Variants in TRPC4AP observed in about 807,000 individuals in gnomAD.
TRPC4AP encodes the protein transient receptor potential cation channel subfamily C member 4 associated protein.
In TRPC4AP, 45 loss-of-function variants were observed where a neutral mutation model predicts 99.0. The ratio of observed to expected loss-of-function variants is 0.45; its 90% CI spans 0.36 to 0.58. The LOEUF (loss-of-function observed/expected upper bound fraction) is 0.58, where lower values mean the gene tolerates loss of function less well. Among genes scored for constraint, TRPC4AP ranks in the 20% least tolerant of loss-of-function variants. TRPC4AP has a pLI of 0.00. For missense variants in TRPC4AP, 879 were observed against 985.3 expected (o/e 0.89, Z 1.44); for synonymous variants, 408 against 385.8 (o/e 1.06, Z -0.67).
At chr20:35,021,481 G>A in intron 8 of TRPC4AP, 125 bp from the exon 9 acceptor site, 2 of 1,099,782 alleles carry the variant, frequency 1.8e-6, no homozygotes, top group Non-Finnish European at 2.5e-6. Flanking sequence ...CCAAAACACA[G>A]ACTCTGAAAG....
chr20:35,003,319 G>A (rs574117291), intron 18 of TRPC4AP, 36 bp from the exon 19 acceptor site: 10 of 1,613,738 alleles, frequency 6.2e-6, no homozygotes, highest in African/African-American at 1.3e-5. Context: ...GGCGCCTGGA[G>A]GACCCAGGTC....
rs1438718612 is a variant in TRPC4AP at position 35,021,176 on chromosome 20, G to A, written c.1218+14C>T. 47 of 1,607,218 alleles carry A rather than the reference G, an allele frequency of 2.9e-5. No homozygotes were observed. The highest frequency in any genetic ancestry group is 5.0e-5 in the Admixed American group (3 of 59,928). On this transcript the variant is annotated intron_variant, in intron 9 of 18. Transcript: ENST00000252015. Reference sequence around the variant, plus strand: ...CCTGCTCCCCGTGTCCTGAGACGCTGGAGAGGGGCCCACCTGGTTTCGCTG... The same window carrying A: ...CCTGCTCCCCGTGTCCTGAGACGCTAGAGAGGGGCCCACCTGGTTTCGCTG...
chr20:35,057,295 C>G (rs562877318), intron 4 of TRPC4AP, among the ~76,000 whole-genome samples: 1 of 152,132 alleles, frequency 6.6e-6, no homozygotes, highest in Non-Finnish European at 1.5e-5. Context: ...ATCAAAAGTA[C>G]AAAGATGCAT....
At position 35,092,554 on chromosome 20, in the gene TRPC4AP, GC is replaced by G; in HGVS notation, c.168+59del. The G allele has an allele frequency of 2.1e-6, 3 of 1,402,326 alleles. No homozygotes were observed. The South Asian group carries it at 4.5e-5, about 21-fold the overall frequency. 86.9% of individuals were successfully genotyped at this position (1,402,326 alleles called of 1,614,324 possible). On this transcript the variant is annotated intron_variant, in intron 1 of 18. Transcript: ENST00000252015. ...GCGGCCTGGAAAGGCCTCTTCCCCG[GC>G]CCCCCGCCAGCTCCCGCCTGGTCCG...
intron 1 of TRPC4AP, among the ~76,000 whole-genome samples, chr20:35,081,131 A>T (rs950011281): frequency 6.6e-6 from 1 of 152,202 alleles, no homozygotes; most frequent in African/African-American, 2.4e-5. Context: ...ATAGGACATT[A>T]AAAAAGCATA....
intron 11 of TRPC4AP, among the ~76,000 whole-genome samples, chr20:35,012,531 A>T (rs2082661198): frequency 6.6e-6 from 1 of 152,198 alleles, no homozygotes; most frequent in Non-Finnish European, 1.5e-5. Context: ...TTTTCCTTGT[A>T]CATTCTCCAT....
In TRPC4AP at chr20:35,002,844, G is replaced by T; in HGVS notation, c.*302C>A. On this transcript the variant is annotated 3_prime_UTR_variant, in exon 19 of 19. Coordinates refer to ENST00000252015, the MANE Select transcript of TRPC4AP (RefSeq NM_015638.3). ...ACTGACAGCCAAGAAACCGGCAGGA[G>T]CTCACACAGAGCTAATGCTAAATGT... 1 of 292,858 alleles carries T rather than the reference G, an allele frequency of 3.4e-6. No individual in the cohort carries two copies. The allele number at this position is 292,858 out of a possible 1,614,324, so 18.1% of individuals were successfully genotyped here.
intron 9 of TRPC4AP, among the ~76,000 whole-genome samples, chr20:35,016,631 G>GA (rs1370455916): frequency 4.7e-5 from 7 of 150,060 alleles, no homozygotes; most frequent in Non-Finnish European, 1.0e-4. Context: ...TCTCTGCAAA[G>GA]AAAAAAAAAT....
chr20:35,011,661 T>C (rs1162772281), intron 11 of TRPC4AP, among the ~76,000 whole-genome samples: 1 of 151,518 alleles, frequency 6.6e-6, no homozygotes, highest in African/African-American at 2.4e-5. Context: ...ACCCACAACG[T>C]CCTGTGCAGC....
chr20:35,062,711 A>G (rs918448006), intron 3 of TRPC4AP, among the ~76,000 whole-genome samples: 1 of 152,178 alleles, frequency 6.6e-6, no homozygotes, highest in Non-Finnish European at 1.5e-5. Context: ...GGGAGTGGCT[A>G]CTGAAGAATA....
At chr20:35,063,720 G>T (rs912805266) in intron 3 of TRPC4AP, among the ~76,000 whole-genome samples, 4 of 152,032 alleles carry the variant, frequency 2.6e-5, no homozygotes, top group Admixed American at 2.0e-4. Flanking sequence ...AATTAGCCAC[G>T]TGTGATGGCA....
chr20:35,092,564 AGCTC>A, intron 1 of TRPC4AP, 46 bp downstream of exon 1: 2 of 653,836 alleles, frequency 3.1e-6, no homozygotes, highest in Non-Finnish European at 4.3e-6. Flanking sequence ...GCCCCCCGCC[AGCTC>A]CCGCCTGGTC....
At chr20:35,080,214 GCA>G (rs1378142581) in intron 1 of TRPC4AP, among the ~76,000 whole-genome samples, 7 of 151,710 alleles carry the variant, frequency 4.6e-5, no homozygotes, top group Non-Finnish European at 8.8e-5. Flanking sequence ...GTCTAACTGG[GCA>G]CAGTGTCTCA....
chr20:35,032,708 G>A (rs1301640651), intron 8 of TRPC4AP, among the ~76,000 whole-genome samples: 6 of 148,946 alleles, frequency 4.0e-5, no homozygotes, highest in Non-Finnish European at 7.5e-5. Flanking sequence ...TCCTGACCTC[G>A]TGATCCGCCC....
intron 9 of TRPC4AP, 102 bp downstream of exon 9, chr20:35,021,088 C>T (rs140342472): frequency 3.8e-6 from 5 of 1,322,848 alleles, no homozygotes; most frequent in East Asian, 2.4e-5. Context: ...CAGGCTAAAG[C>T]GAGAGCCATT....
rs2084883368 is a variant in TRPC4AP at position 35,086,553 on chromosome 20, G to GTT, written c.168+6060_168+6061insAA. 3.8e-5 allele frequency among the ~76,000 whole-genome samples: 3 copies of GTT among 78,704 alleles called. 1 individual carries two copies. In the East Asian group the frequency reaches 1.2e-3, roughly 32 times the overall value. 51.6% of individuals were successfully genotyped at this position (78,704 alleles called of 152,430 possible). On this transcript the variant is annotated intron_variant, in intron 1 of 18. Coordinates refer to ENST00000252015, the MANE Select transcript of TRPC4AP (RefSeq NM_015638.3). The stretch of plus-strand genomic sequence containing the variant: ...TGTGTGTGTGTGTGTGTGTGTGTGT[G>GTT]TGTGTGTGTGTGTGTGTGTGTGTAT...
At chr20:35,047,096 C>T (rs908048710) in intron 6 of TRPC4AP, among the ~76,000 whole-genome samples, 1 of 152,182 alleles carries the variant, frequency 6.6e-6, no homozygotes, top group Non-Finnish European at 1.5e-5. Flanking sequence ...CTCCTGACCT[C>T]AAGTGATCTG....
At chr20:35,021,777 C>T (rs1392938790) in intron 8 of TRPC4AP, among the ~76,000 whole-genome samples, 2 of 152,192 alleles carry the variant, frequency 1.3e-5, no homozygotes, top group Admixed American at 6.5e-5. Context: ...CCATGAGGGA[C>T]ACTGCTGAAG....
At chr20:35,060,638 T>TATGA (rs2083981285) in intron 3 of TRPC4AP, among the ~76,000 whole-genome samples, 1 of 141,366 alleles carries the variant, frequency 7.1e-6, no homozygotes, top group Admixed American at 7.1e-5. Context: ...ACCATGACAC[T>TATGA]ATGACAAAGT....
Sources: gnomAD v4.1 joint callset for allele counts (sites outside exome capture counted in the v4.1 genomes callset) on GRCh38, gnomAD v4.1.1 for gene constraint, MANE v1.5 for transcripts, NCBI Gene and HGNC (gene_info 2026-07-23, HGNC 2026-07-21) for gene names.